EPHB1: variants seen among roughly 807,000 people sequenced by gnomAD.
EPHB1 encodes EPH receptor B1.
A neutral mutation model predicts 94.4 loss-of-function variants in EPHB1; 30 were observed. That is an observed-to-expected ratio of 0.32 (90% CI 0.24 to 0.43). The LOEUF (loss-of-function observed/expected upper bound fraction) is 0.43, where lower values mean the gene tolerates loss of function less well. Among genes scored for constraint, EPHB1 ranks in the 20% least tolerant of loss-of-function variants. The pLI is 1.00. For synonymous variants in EPHB1, 522 were observed against 489.1 expected, an observed-to-expected ratio of 1.07 and a Z score of -0.89; for missense variants, 1,055 against 1,308.3, an observed-to-expected ratio of 0.81 and a Z score of 2.99.
chr3:135,141,251 C>A (rs1314888675), intron 5 of EPHB1, among the ~76,000 whole-genome samples: 1 of 150,002 alleles, frequency 6.7e-6, no homozygotes, highest in Non-Finnish European at 1.5e-5. Context: ...AAGAGCGCAT[C>A]TGCCCTGTAG....
chr3:135,122,254 A>G (rs1396059016), intron 4 of EPHB1, among the ~76,000 whole-genome samples: 1 of 152,214 alleles, frequency 6.6e-6, no homozygotes, highest in African/African-American at 2.4e-5. Flanking sequence ...AAGATAAGTG[A>G]CTGCTTAAGG....
At chr3:135,095,990 T>A (rs1039529391) in intron 3 of EPHB1, among the ~76,000 whole-genome samples, 1 of 152,210 alleles carries the variant, frequency 6.6e-6, no homozygotes, top group African/African-American at 2.4e-5. Context: ...TCTGTCTTCC[T>A]CCACCAGGAT....
rs192950253 is a variant in EPHB1, at chr3:135,075,566, A to G, written c.806-30882A>G. 1.8e-3 allele frequency among the ~76,000 whole-genome samples: 270 copies of G among 152,262 alleles called. 1 individual carries two copies. Among genetic ancestry groups the G allele is most frequent in the African/African-American group, 6.3e-3 (260 of 41,550 alleles). On this transcript the variant is annotated intron_variant, in intron 3 of 15. Coordinates refer to ENST00000398015, the MANE Select transcript of EPHB1 (RefSeq NM_004441.5). The stretch of plus-strand genomic sequence containing the variant: ...CTTCTGCCTCCCACACTAGCTGCCA[A>G]CAGCTAGGAGCTGATGGGCTTTGTG...
intron 1 of EPHB1, among the ~76,000 whole-genome samples, chr3:134,806,782 T>C (rs192511176): frequency 6.6e-6 from 1 of 151,986 alleles, no homozygotes; most frequent in Non-Finnish European, 1.5e-5. Context: ...AAACCAGAAA[T>C]ATTACAGCCC....
At chr3:134,888,791 T>G (rs1338195462) in intron 1 of EPHB1, among the ~76,000 whole-genome samples, 1 of 151,918 alleles carries the variant, frequency 6.6e-6, no homozygotes, top group Admixed American at 6.6e-5. Flanking sequence ...AATTTACATA[T>G]CCATTAAATA....
At chr3:135,221,312 T>C (rs892995553) in intron 12 of EPHB1, among the ~76,000 whole-genome samples, 7 of 152,248 alleles carry the variant, frequency 4.6e-5, no homozygotes, top group Admixed American at 3.3e-4. Flanking sequence ...TACTATTCTA[T>C]ACTAGTTCTC....
chr3:135,151,385 C>T (rs953260613), intron 5 of EPHB1, among the ~76,000 whole-genome samples: 3 of 152,122 alleles, frequency 2.0e-5, no homozygotes, highest in African/African-American at 7.2e-5. Context: ...TCCAGATACC[C>T]ACTCAGCTCC....
chr3:135,096,839 T>G (rs1022241099), intron 3 of EPHB1, among the ~76,000 whole-genome samples: 2 of 152,198 alleles, frequency 1.3e-5, no homozygotes, highest in Non-Finnish European at 2.9e-5. Context: ...GGCTCATGCC[T>G]GTAGTGCCAG....
chr3:135,249,677 A>C (rs1350117098), intron 15 of EPHB1, among the ~76,000 whole-genome samples, 186 bp downstream of exon 15: 1 of 152,222 alleles, frequency 6.6e-6, no homozygotes, highest in Non-Finnish European at 1.5e-5. Context: ...GGGGAGGTGG[A>C]GATCCACTCT....
At chr3:135,105,577 G>A (rs532915510) in intron 3 of EPHB1, among the ~76,000 whole-genome samples, 2 of 152,228 alleles carry the variant, frequency 1.3e-5, no homozygotes, top group South Asian at 2.1e-4. Flanking sequence ...GTTAAGACCC[G>A]AGGGATAGCT....
chr3:135,163,339 C>T (rs1245331671), intron 7 of EPHB1, among the ~76,000 whole-genome samples: 4 of 152,188 alleles, frequency 2.6e-5, no homozygotes, highest in Non-Finnish European at 1.5e-5. Flanking sequence ...CAGCTGTCTG[C>T]ATATGGTACC....
At chr3:135,119,341 C>T (rs146594153) in intron 4 of EPHB1, among the ~76,000 whole-genome samples, 191 of 152,236 alleles carry the variant, frequency 1.3e-3, no homozygotes, top group African/African-American at 4.2e-3. Context: ...CCATCTTTTT[C>T]TTTCTGGTTT....
In EPHB1 at chr3:135,228,958, C is replaced by A. The variant is rs201706575; in HGVS notation, c.2347-12190C>A. On this transcript the variant is annotated intron_variant, in intron 12 of 15. Transcript: ENST00000398015. ...ATGGGAGGTTTCAAGAGCACCCCCCCACTTTTTACCAGGTGTGGACCCCTG... is the reference window on the plus strand; with the variant it reads ...ATGGGAGGTTTCAAGAGCACCCCCCAACTTTTTACCAGGTGTGGACCCCTG... Among the ~76,000 whole-genome samples, 36 of 152,296 alleles carry A rather than the reference C, an allele frequency of 2.4e-4. No individual in the cohort carries two copies. The East Asian group carries it at 2.9e-3, about 12-fold the overall frequency.
intron 3 of EPHB1, among the ~76,000 whole-genome samples, chr3:135,015,076 G>A (rs1413727320): frequency 2.0e-5 from 3 of 152,054 alleles, no homozygotes; most frequent in Non-Finnish European, 4.4e-5. Flanking sequence ...AGCCTCACAG[G>A]ACCTCACCTC....
chr3:135,198,480 AT>A (rs1353158851), intron 11 of EPHB1, among the ~76,000 whole-genome samples: 3 of 152,216 alleles, frequency 2.0e-5, no homozygotes, highest in Non-Finnish European at 4.4e-5. Context: ...TTAGGCCTGC[AT>A]CATTAGGTCC....
At chr3:135,013,424 C>T (rs867460126) in intron 3 of EPHB1, among the ~76,000 whole-genome samples, 13 of 152,274 alleles carry the variant, frequency 8.5e-5, no homozygotes, top group South Asian at 2.1e-4. Flanking sequence ...TGGGAGGTAG[C>T]GGCCTGACCT....
At chr3:135,142,183 G>T (rs772114625) in intron 5 of EPHB1, among the ~76,000 whole-genome samples, 3 of 152,198 alleles carry the variant, frequency 2.0e-5, no homozygotes, top group Non-Finnish European at 4.4e-5. Context: ...AAGTATTGGG[G>T]TTGAAAGTTT....
At chr3:135,240,534 G>T (rs929630464) in intron 12 of EPHB1, among the ~76,000 whole-genome samples, 1 of 152,200 alleles carries the variant, frequency 6.6e-6, no homozygotes, top group Non-Finnish European at 1.5e-5. Context: ...AGGACAGCCA[G>T]CATGTAGAAA....
chr3:135,106,547 C>T lies in EPHB1; in HGVS notation c.905C>T (p.Thr302Ile). 9 of 1,614,064 alleles carry T rather than the reference C, an allele frequency of 5.6e-6. No homozygotes were observed. The highest frequency in any genetic ancestry group is 7.6e-6 in the Non-Finnish European group (9 of 1,179,900). ...CCTGCAGAGGCGTCTCCCATCTGCA[C>T]CTGTCGGACCGGTTATTACCGAGCG... ...RSPAEASPIC[T>I]CRTGYYRADF... The change falls in exon 4 of 16, where the codon ACC (threonine) becomes ATC (isoleucine). Residue 302 changes from threonine to isoleucine, a missense_variant. Physicochemically the swap from Thr to Ile is moderately conservative, Grantham distance 89. Coordinates refer to ENST00000398015, the MANE Select transcript of EPHB1 (RefSeq NM_004441.5).
Sources: gnomAD v4.1 joint callset for allele counts (sites outside exome capture counted in the v4.1 genomes callset) on GRCh38, gnomAD v4.1.1 for gene constraint, MANE v1.5 for transcripts, NCBI Gene and HGNC (gene_info 2026-07-23, HGNC 2026-07-21) for gene names.